The following EPYC variants were observed in gnomAD, a reference collection of about 807,000 sequenced individuals.
The protein encoded by EPYC is dermatan sulfate proteoglycan 3.
A neutral mutation model predicts 30.1 loss-of-function variants in EPYC; 28 were observed. The observed-to-expected ratio is 0.93, with a 90% confidence interval of 0.69 to 1.28. EPYC has a LOEUF of 1.28. Ranked by LOEUF, EPYC falls within the 50% of genes most tolerant of loss-of-function variation. The pLI is 0.00. For synonymous variants in EPYC, 144 were observed against 141.4 expected (o/e 1.02, Z -0.13); for missense variants, 382 against 383.5 (o/e 1.00, Z 0.03).
At chr12:90,966,233 T>C (rs7954350) in intron 6 of EPYC, among the ~76,000 whole-genome samples, 110,015 of 151,882 alleles carry the variant, frequency 0.72, 41,642 homozygotes, top group Non-Finnish European at 0.83. Flanking sequence ...AGAAAGAAAG[T>C]GTTCAGTCTT....
chr12:90,977,338 T>A (rs11105895), intron 3 of EPYC, among the ~76,000 whole-genome samples: 2,974 of 152,294 alleles, frequency 0.02, 92 homozygotes, highest in African/African-American at 0.067. Flanking sequence ...TAGAATTACA[T>A]GTAGCACTAA....
chr12:90,972,504 G>T, intron 4 of EPYC: 1 of 186,314 alleles, frequency 5.4e-6, no homozygotes, highest in Non-Finnish European at 1.1e-5. Flanking sequence ...TCATAAATAT[G>T]ACCACAATAT....
intron 2 of EPYC, among the ~76,000 whole-genome samples, chr12:90,981,396 C>T (rs1367997260): frequency 1.3e-5 from 2 of 152,086 alleles, no homozygotes; most frequent in Non-Finnish European, 2.9e-5. Flanking sequence ...TTTATTGTAT[C>T]AGATTGAACT....
Position 91,002,590 on chromosome 12 carries a change from A to T in EPYC, c.-13-12T>A, listed in dbSNP as rs1211170537. 1 of 1,565,616 alleles carries T rather than the reference A, an allele frequency of 6.4e-7. No individual in the cohort carries two copies. The highest frequency in any genetic ancestry group is 2.3e-5 in the East Asian group (1 of 43,502). ...TTTTTCAAGCTTTCCTAATTATAAA[A>T]TATTAAAATGCATAAATATTTAATT... On this transcript the variant is annotated splice_polypyrimidine_tract_variant and intron_variant, in intron 1 of 6. Transcript: ENST00000261172.
intron 6 of EPYC, among the ~76,000 whole-genome samples, chr12:90,964,795 C>T (rs1043950588): frequency 1.3e-5 from 2 of 152,042 alleles, no homozygotes; most frequent in Non-Finnish European, 2.9e-5. Flanking sequence ...ACATTCAAGT[C>T]AATGTGGCTG....
In EPYC at chr12:90,963,761, GGAAGA is replaced by G. The variant is rs1470433815; in HGVS notation, c.*390_*394del. 2.0e-5 allele frequency: 3 copies of G among 152,618 alleles called. No individual in the cohort carries two copies. Among genetic ancestry groups the G allele is most frequent in the East Asian group, 3.9e-4 (2 of 5,178 alleles). The allele number at this position is 152,618 out of a possible 1,614,324, so 9.5% of individuals were successfully genotyped here. ...TAAACATGCTTTAGTGAAAAAAAAA[GGAAGA>G]GAAAAGTTTAATTAAAAACATCTAA... is the stretch of plus-strand genomic sequence containing the variant. On this transcript the variant is annotated 3_prime_UTR_variant, in exon 7 of 7. Coordinates refer to ENST00000261172, the MANE Select transcript of EPYC (RefSeq NM_004950.5).
chr12:90,968,053 C>A (rs953161616), intron 6 of EPYC, among the ~76,000 whole-genome samples: 4 of 152,020 alleles, frequency 2.6e-5, no homozygotes, highest in African/African-American at 9.7e-5. Flanking sequence ...CCTTTCATTT[C>A]TGATAGTTTT....
At position 90,968,081 on chromosome 12, in the gene EPYC, G is replaced by C. The variant is rs540109788; in HGVS notation, c.798+1963C>G. ...ATAGTTTTTGCCTCATGTATTTTGG[G>C]CCTCTGTTGTTAGATGCATATATGT... is the stretch of plus-strand genomic sequence containing the variant. On this transcript the variant is annotated intron_variant, in intron 6 of 6. Coordinates refer to ENST00000261172, the MANE Select transcript of EPYC (RefSeq NM_004950.5). Among the ~76,000 whole-genome samples, 131 of 151,884 alleles carry C rather than the reference G, an allele frequency of 8.6e-4. 1 individual carries two copies. Among genetic ancestry groups the C allele is most frequent in the African/African-American group, 2.7e-3 (112 of 41,456 alleles).
In EPYC at chr12:90,964,019, T is replaced by A. The variant is rs1876827697; in HGVS notation, c.*137A>T. The A allele has an allele frequency of 3.1e-6, 2 of 639,300 alleles. No individual in the cohort carries two copies. The highest frequency in any genetic ancestry group is 2.9e-5 in the East Asian group (1 of 34,440). The allele number at this position is 639,300 out of a possible 1,614,324, so 39.6% of individuals were successfully genotyped here. ...AAATTACTACATTTTCATTATAACA[T>A]TTTTAATTGTATTTTATGTAGTCAT... On this transcript the variant is annotated 3_prime_UTR_variant, in exon 7 of 7. Coordinates refer to ENST00000261172, the MANE Select transcript of EPYC (RefSeq NM_004950.5).
intron 1 of EPYC, 126 bp from the exon 2 acceptor site, chr12:91,002,704 T>C: frequency 1.4e-6 from 1 of 701,418 alleles, no homozygotes; most frequent in South Asian, 2.0e-5. Context: ...CTTCCATGGA[T>C]AATTTATAAA....
chr12:90,968,910 C>T (rs961362740), intron 6 of EPYC, among the ~76,000 whole-genome samples: 2 of 151,554 alleles, frequency 1.3e-5, no homozygotes, highest in Non-Finnish European at 2.9e-5. Flanking sequence ...AGAAATCAAA[C>T]CAAATGGCTA....
At chr12:90,975,766 A>G (rs1371065146) in intron 3 of EPYC, among the ~76,000 whole-genome samples, 1 of 152,004 alleles carries the variant, frequency 6.6e-6, no homozygotes, top group Non-Finnish European at 1.5e-5. Flanking sequence ...TAATTTTCCT[A>G]TTTTGGGTGC....
Position 90,972,985 on chromosome 12 carries a change from A to T in EPYC, c.341-5T>A. The T allele has an allele frequency of 6.4e-7, 1 of 1,551,802 alleles. No homozygotes were observed. Among genetic ancestry groups the T allele is most frequent in the South Asian group, 1.2e-5 (1 of 82,860 alleles). ...ACAAAAGACAGGTTGGAAAGTCTAA[A>T]AGATAAAGGAAAATAAAATTAAATG... On this transcript the variant is annotated splice_region_variant and splice_polypyrimidine_tract_variant and intron_variant, in intron 3 of 6. Coordinates refer to ENST00000261172, the MANE Select transcript of EPYC (RefSeq NM_004950.5).
intron 2 of EPYC, among the ~76,000 whole-genome samples, chr12:90,980,549 C>T (rs1877301647): frequency 6.6e-6 from 1 of 152,112 alleles, no homozygotes; most frequent in Non-Finnish European, 1.5e-5. Flanking sequence ...CATCTTCGTA[C>T]TGTGATATGA....
Position 91,002,391 on chromosome 12 carries a change from G to A in EPYC, c.165+10C>T. On this transcript the variant is annotated intron_variant, in intron 2 of 6. Transcript: ENST00000261172. Reference sequence around the variant, plus strand: ...CTTTTTAAAGTTTCAAGAGTAGGAGGATCGATTACCTCAACTTTATCAACA... The same window carrying A: ...CTTTTTAAAGTTTCAAGAGTAGGAGAATCGATTACCTCAACTTTATCAACA... 1.2e-6 allele frequency: 2 copies of A among 1,608,676 alleles called. No individual in the cohort carries two copies. Among genetic ancestry groups the A allele is most frequent in the Non-Finnish European group, 1.7e-6 (2 of 1,177,694 alleles).
At chr12:90,988,489 A>G (rs1399767260) in intron 2 of EPYC, among the ~76,000 whole-genome samples, 3 of 152,150 alleles carry the variant, frequency 2.0e-5, no homozygotes, top group South Asian at 4.1e-4. Context: ...TCTGACATGG[A>G]GAAGAAAGGT....
chr12:90,976,696 G>T (rs1457214969), intron 3 of EPYC, among the ~76,000 whole-genome samples: 1 of 152,000 alleles, frequency 6.6e-6, no homozygotes, highest in African/African-American at 2.4e-5. Context: ...ATATTGTTTG[G>T]CTGTGTCCCC....
chr12:90,979,171 C>G (rs1285366316), intron 2 of EPYC, among the ~76,000 whole-genome samples: 3 of 152,042 alleles, frequency 2.0e-5, no homozygotes. Flanking sequence ...CTTTGTGGTA[C>G]TTAGTAAATG....
At chr12:91,002,624 A>T in intron 1 of EPYC, 46 bp from the exon 2 acceptor site, 2 of 1,420,846 alleles carry the variant, frequency 1.4e-6, no homozygotes, top group Non-Finnish European at 1.9e-6. Context: ...TTGATAACTT[A>T]TGAATAGTTT....
Sources: gnomAD v4.1 joint callset for allele counts (sites outside exome capture counted in the v4.1 genomes callset) on GRCh38, gnomAD v4.1.1 for gene constraint, MANE v1.5 for transcripts, NCBI Gene and HGNC (gene_info 2026-07-23, HGNC 2026-07-21) for gene names.